RACK1: variants seen among roughly 807,000 people sequenced by gnomAD.
The protein encoded by RACK1 is small ribosomal subunit protein RACK1.
In RACK1, 3 loss-of-function variants were observed where a neutral mutation model predicts 42.2. The observed-to-expected ratio is 0.07, with a 90% CI of 0.03 to 0.18. The LOEUF (loss-of-function observed/expected upper bound fraction) is 0.18, where lower values mean the gene tolerates loss of function less well. Among genes scored for constraint, RACK1 ranks in the 10% least tolerant of loss-of-function variants. The pLI is 1.00. For synonymous variants in RACK1, 181 were observed against 154.8 expected, an observed-to-expected ratio of 1.17 and a Z score of -1.25; for missense variants, 146 against 403.2, an observed-to-expected ratio of 0.36 and a Z score of 5.46.
chr5:181,237,745 T>A, intron 6 of RACK1, 26 bp from the exon 7 acceptor site: 1 of 1,193,624 alleles, frequency 8.4e-7, no homozygotes, highest in Non-Finnish European at 1.2e-6. Flanking sequence ...AAAGCAACCT[T>A]AAGACTTACC....
At position 181,236,983 on chromosome 5, in the gene RACK1, T is replaced by C. The variant is rs138356698; in HGVS notation, c.948A>G (p.Thr316=). 7.7e-5 allele frequency: 125 copies of C among 1,613,516 alleles called. No homozygotes were observed. The highest frequency in any genetic ancestry group is 1.0e-4 in the Non-Finnish European group (120 of 1,179,806). Residue 316 remains threonine (T), a synonymous_variant, in exon 8 of 8, where the codon ACA becomes ACG. Coordinates refer to ENST00000512805, the MANE Select transcript of RACK1 (RefSeq NM_006098.5). ...LVRVWQVTIG[T]R ...AAAGCTCTGCCATAAACTTCTAGCG[T>C]GTGCCAATGGTCACCTGCCACACTC...
In RACK1 at chr5:181,239,599, G is replaced by A; in HGVS notation, c.430-17C>T. On this transcript the variant is annotated splice_polypyrimidine_tract_variant and intron_variant, in intron 3 of 7. Transcript: ENST00000512805. ...GCTCTCATCCTACAGAAGATGGAAA[G>A]GAAATTAGGGCAAACAGTCCTATCC... The A allele has an allele frequency of 6.5e-7, 1 of 1,548,484 alleles. No homozygotes were observed. The highest frequency in any genetic ancestry group is 8.9e-7 in the Non-Finnish European group (1 of 1,120,632).
intron 5 of RACK1, 159 bp from the exon 6 acceptor site, chr5:181,238,398 C>A: frequency 1.4e-6 from 1 of 698,322 alleles, no homozygotes; most frequent in Non-Finnish European, 2.4e-6. Context: ...CTCTGTATAC[C>A]TTTCCTTTAA....
chr5:181,238,807 A>C (rs1457236238), intron 5 of RACK1: 5 of 452,808 alleles, frequency 1.1e-5, no homozygotes, highest in South Asian at 4.1e-5. Flanking sequence ...TCAAAAAAAA[A>C]ACAAAAAACA....
At chr5:181,243,427 A>T in intron 1 of RACK1, 1 of 1,506,520 alleles carries the variant, frequency 6.6e-7, no homozygotes, top group Non-Finnish European at 8.9e-7. Context: ...AAGGCAAAAG[A>T]TATTTTAAAA....
intron 5 of RACK1, 177 bp downstream of exon 5, chr5:181,238,890 T>G (rs1759237100): frequency 2.0e-5 from 14 of 689,364 alleles, no homozygotes; most frequent in South Asian, 1.9e-4. Flanking sequence ...ATAGTATGCC[T>G]TAACTGTCAT....
intron 1 of RACK1, chr5:181,243,210 G>C (rs956289179): frequency 1.6e-6 from 2 of 1,213,074 alleles, no homozygotes; most frequent in Non-Finnish European, 2.2e-6. Context: ...GGAACACAGG[G>C]ATAGGGACGG....
intron 1 of RACK1, chr5:181,243,019 C>T (rs1759410394): frequency 2.9e-6 from 1 of 347,750 alleles, no homozygotes; most frequent in African/African-American, 2.2e-5. Flanking sequence ...TGAGGGCCGA[C>T]AGAAATGTAG....
At chr5:181,238,815 A>G in intron 5 of RACK1, 1 of 459,766 alleles carries the variant, frequency 2.2e-6, no homozygotes, top group East Asian at 4.2e-5. Flanking sequence ...AAAACAAAAA[A>G]CAAACAAACA....
Position 181,243,774 on chromosome 5 carries a change from G to A in RACK1, c.27C>T (p.Gly9=). 1.2e-6 allele frequency: 2 copies of A among 1,607,656 alleles called. No homozygotes were observed. Among genetic ancestry groups the A allele is most frequent in the Non-Finnish European group, 1.7e-6 (2 of 1,177,162 alleles). ...CCCAGCCGTTGTGGCCCTTGAGGGT[G>A]CCACGAAGGGTCATCTGCTCAGTCA... MTEQMTLR[G]TLKGHNGWVT... Residue 9 remains glycine (G), a synonymous_variant, in exon 1 of 8, where the codon GGC becomes GGT. Coordinates refer to ENST00000512805, the MANE Select transcript of RACK1 (RefSeq NM_006098.5).
Position 181,243,864 on chromosome 5 carries a change from A to C in RACK1, c.-64T>G. 2.6e-6 allele frequency: 4 copies of C among 1,527,304 alleles called. No homozygotes were observed. The South Asian group carries it at 4.9e-5, about 19-fold the overall frequency. 94.6% of individuals were successfully genotyped at this position (1,527,304 alleles called of 1,614,324 possible). ...TGGCACTGGATGGCTTAGAGAAACT[A>C]GCACCACAACCTCTCCTGCCGCCGC... On this transcript the variant is annotated 5_prime_UTR_variant, in exon 1 of 8. Transcript: ENST00000512805.
At position 181,239,542 on chromosome 5, in the gene RACK1, G is replaced by A; in HGVS notation, c.470C>T (p.Ser157Leu). Residue 157 changes from serine (S) to leucine (L), a missense_variant, in exon 4 of 8, where the codon TCG (serine) becomes TTG (leucine). By Grantham distance (145) the Ser-to-Leu change is moderately radical. Coordinates refer to ENST00000512805, the MANE Select transcript of RACK1 (RefSeq NM_006098.5). ...HSEWVSCVRF[S>L]PNSSNPIIVS... Reference sequence around the variant, plus strand: ...GATGATAGGGTTGCTGCTGTTGGGCGAGAAGCGGACACAAGACACCCACTC... The same window carrying A: ...GATGATAGGGTTGCTGCTGTTGGGCAAGAAGCGGACACAAGACACCCACTC... 6.2e-7 allele frequency: 1 copy of A among 1,613,898 alleles called. No homozygotes were observed. Among genetic ancestry groups the A allele is most frequent in the Non-Finnish European group, 8.5e-7 (1 of 1,179,850 alleles).
At chr5:181,242,490 A>G (rs1759380714) in intron 1 of RACK1, 145 bp from the exon 2 acceptor site, 2 of 671,922 alleles carry the variant, frequency 3.0e-6, no homozygotes, top group Admixed American at 4.4e-5. Flanking sequence ...AGACAAGAGC[A>G]GTTACAGACC....
chr5:181,243,538 G>A, intron 1 of RACK1, 154 bp downstream of exon 1: 8 of 1,388,702 alleles, frequency 5.8e-6, no homozygotes, highest in Non-Finnish European at 7.8e-6. Flanking sequence ...GCTCGGGTCC[G>A]CACGCCCCAA....
chr5:181,243,113 T>C (rs1258997901), intron 1 of RACK1: 1 of 480,704 alleles, frequency 2.1e-6, no homozygotes, highest in Non-Finnish European at 3.5e-6. Context: ...AATTTTACGA[T>C]TAACAGCCAG....
chr5:181,242,420 T>C (rs1759377929), intron 1 of RACK1, 75 bp from the exon 2 acceptor site: 4 of 1,013,434 alleles, frequency 3.9e-6, no homozygotes, highest in Admixed American at 2.0e-5. Context: ...ATTCACTAAG[T>C]GTCAAGGTCA....
chr5:181,237,397 C>G, intron 7 of RACK1: 1 of 691,698 alleles, frequency 1.4e-6, no homozygotes, highest in South Asian at 1.5e-5. Context: ...TAATTGAAGG[C>G]TGACAGCCAC....
At chr5:181,240,136 A>G (rs1199240782) in intron 3 of RACK1, 1 of 154,286 alleles carries the variant, frequency 6.5e-6, no homozygotes, top group Non-Finnish European at 1.4e-5. Flanking sequence ...TGGATGGATC[A>G]TGAGGTCAGG....
intron 3 of RACK1, chr5:181,240,134 T>C (rs558684084): frequency 6.5e-6 from 1 of 153,960 alleles, no homozygotes; most frequent in African/African-American, 2.4e-5. Context: ...GGTGGATGGA[T>C]CATGAGGTCA....
Sources: gnomAD v4.1 joint callset for allele counts on GRCh38, gnomAD v4.1.1 for gene constraint, MANE v1.5 for transcripts, NCBI Gene and HGNC (gene_info 2026-07-23, HGNC 2026-07-21) for gene names.